RTF2: variants seen among roughly 807,000 people sequenced by gnomAD.
RTF2 encodes replication termination factor 2.
RTF2 carries 18 observed loss-of-function variants against 38.0 expected under a neutral mutation model. That is an observed-to-expected ratio of 0.47 (90% confidence interval 0.33 to 0.70). RTF2 has a LOEUF of 0.70. RTF2 is among the 30% of genes least tolerant of loss of function. The probability of loss-of-function intolerance (pLI) is 0.02; values close to 1 mark genes in which losing one functional copy is unlikely to be tolerated. For missense variants in RTF2, 311 were observed against 379.6 expected (o/e 0.82, Z 1.50); for synonymous variants, 126 against 137.1 (o/e 0.92, Z 0.57).
At chr20:56,509,565 A>T (rs1272688954) in intron 5 of RTF2, among the ~76,000 whole-genome samples, 3 of 151,216 alleles carry the variant, frequency 2.0e-5, no homozygotes, top group Non-Finnish European at 4.4e-5. Flanking sequence ...GTGAGCCGAG[A>T]TCATGCCACT....
rs555860534 is a variant in RTF2, at chr20:56,491,969, G to T, written c.477+7780G>T. ...TATGTTGAATTTTGAACTTACGGTG[G>T]AAAGGCGCACTTTCATTCTTTTAGT... On this transcript the variant is annotated intron_variant, in intron 5 of 8. Coordinates refer to ENST00000357348, the MANE Select transcript of RTF2 (RefSeq NM_016407.5). Among the ~76,000 whole-genome samples the T allele has an allele frequency of 2.4e-4, 37 of 152,236 alleles. No individual in the cohort carries two copies. In the South Asian group the frequency reaches 6.0e-3, roughly 25 times the overall value.
At chr20:56,478,801 T>A (rs1298858116) in intron 4 of RTF2, among the ~76,000 whole-genome samples, 1 of 152,232 alleles carries the variant, frequency 6.6e-6, no homozygotes, top group Non-Finnish European at 1.5e-5. Context: ...GTATGTAGCA[T>A]GTGATGCTGT....
At chr20:56,479,094 G>C (rs73289018) in intron 4 of RTF2, among the ~76,000 whole-genome samples, 1 of 152,118 alleles carries the variant, frequency 6.6e-6, no homozygotes, top group African/African-American at 2.4e-5. Context: ...CCACATTTGC[G>C]TTACTTCCTC....
intron 3 of RTF2, among the ~76,000 whole-genome samples, chr20:56,476,617 A>T (rs1448397961): frequency 6.6e-6 from 1 of 150,996 alleles, no homozygotes; most frequent in Non-Finnish European, 1.5e-5. Flanking sequence ...CTCCTGCCTC[A>T]GCCTCCCGAG....
chr20:56,488,714 C>T (rs1366548239), intron 5 of RTF2, among the ~76,000 whole-genome samples: 2 of 152,364 alleles, frequency 1.3e-5, no homozygotes, highest in Admixed American at 1.3e-4. Context: ...ACAGCATAGG[C>T]AGCCTTAAAC....
At chr20:56,469,059 C>T (rs1211148427) in intron 1 of RTF2, among the ~76,000 whole-genome samples, 1 of 152,120 alleles carries the variant, frequency 6.6e-6, no homozygotes, top group Non-Finnish European at 1.5e-5. Flanking sequence ...AGTTGAGGCT[C>T]AAAAGGAGAA....
At chr20:56,487,573 A>C (rs1399314191) in intron 5 of RTF2, among the ~76,000 whole-genome samples, 1 of 152,252 alleles carries the variant, frequency 6.6e-6, no homozygotes, top group East Asian at 1.9e-4. Flanking sequence ...GCCAACAAAG[A>C]ATGAACGAGA....
chr20:56,496,842 C>A (rs1161867430), intron 5 of RTF2: 4 of 1,551,856 alleles, frequency 2.6e-6, no homozygotes, highest in East Asian at 2.4e-5. Context: ...TGCATAGATA[C>A]TTCCTTTAGG....
At chr20:56,486,058 T>C (rs1600803932) in intron 5 of RTF2, among the ~76,000 whole-genome samples, 2 of 152,278 alleles carry the variant, frequency 1.3e-5, no homozygotes, top group East Asian at 3.9e-4. Flanking sequence ...GTGGTAGCGG[T>C]GCTGCTCTGG....
intron 1 of RTF2, chr20:56,471,003 A>ATG (rs1981931710): frequency 4.7e-6 from 1 of 213,120 alleles, no homozygotes; most frequent in Non-Finnish European, 1.0e-5. Flanking sequence ...GGGCGGGGGG[A>ATG]TCGTGGTAGC....
At chr20:56,473,210 G>A in intron 1 of RTF2, 91 bp from the exon 2 acceptor site, 2 of 902,644 alleles carry the variant, frequency 2.2e-6, no homozygotes, top group Non-Finnish European at 3.6e-6. Context: ...TCATTACAGT[G>A]CGGTATTACT....
intron 5 of RTF2, among the ~76,000 whole-genome samples, chr20:56,511,252 C>T (rs1021419813): frequency 6.6e-6 from 1 of 152,080 alleles, no homozygotes; most frequent in African/African-American, 2.4e-5. Context: ...AGGAGGTGAG[C>T]CACAGGCGAG....
chr20:56,513,542 A>G (rs913348326), intron 6 of RTF2, 114 bp downstream of exon 6: 2 of 1,343,704 alleles, frequency 1.5e-6, no homozygotes, highest in African/African-American at 1.4e-5. Context: ...GGCGATTTTT[A>G]TAACCTAGAA....
At chr20:56,497,980 A>C (rs556185810) in intron 5 of RTF2, among the ~76,000 whole-genome samples, 2 of 152,234 alleles carry the variant, frequency 1.3e-5, no homozygotes, top group African/African-American at 2.4e-5. Context: ...AGCCTCTGGC[A>C]TACTTGCTGT....
intron 3 of RTF2, 58 bp downstream of exon 3, chr20:56,474,829 T>C: frequency 2.7e-6 from 3 of 1,102,928 alleles, no homozygotes; most frequent in Non-Finnish European, 4.0e-6. Context: ...AGGTTTATTT[T>C]ATAGAATTTA....
chr20:56,472,550 A>G (rs1450528857), intron 1 of RTF2: 5 of 525,104 alleles, frequency 9.5e-6, no homozygotes, highest in Non-Finnish European at 1.7e-5. Flanking sequence ...TTTTATAAAG[A>G]ATTATGTAGT....
At chr20:56,485,669 T>C (rs891324625) in intron 5 of RTF2, among the ~76,000 whole-genome samples, 3 of 152,176 alleles carry the variant, frequency 2.0e-5, no homozygotes, top group Non-Finnish European at 4.4e-5. Flanking sequence ...GAGTCTGTCT[T>C]ATTAAGCTTT....
intron 1 of RTF2, 72 bp from the exon 2 acceptor site, chr20:56,473,229 T>G (rs1442772450): frequency 3.6e-6 from 4 of 1,117,916 alleles, no homozygotes; most frequent in Admixed American, 1.8e-5. Flanking sequence ...CTGAATATAC[T>G]TTTATATGTA....
At position 56,513,435 on chromosome 20, in the gene RTF2, G is replaced by C. The variant is rs1984823852; in HGVS notation, c.591+7G>C. On this transcript the variant is annotated splice_region_variant and intron_variant, in intron 6 of 8. Coordinates refer to ENST00000357348, the MANE Select transcript of RTF2 (RefSeq NM_016407.5). ...GAGAGCGAAGCTGGAAAAGGTAATG[G>C]GAGTCTTCAGGTTCCGCCCAGCCCC... 2 of 1,576,176 alleles carry C rather than the reference G, an allele frequency of 1.3e-6. No homozygotes were observed. The highest frequency in any genetic ancestry group is 4.6e-5 in the East Asian group (2 of 43,150).
Sources: gnomAD v4.1 joint callset for allele counts (sites outside exome capture counted in the v4.1 genomes callset) on GRCh38, gnomAD v4.1.1 for gene constraint, MANE v1.5 for transcripts, NCBI Gene and HGNC (gene_info 2026-07-23, HGNC 2026-07-21) for gene names.